Variants in NCAM2 observed in about 807,000 individuals in gnomAD.
NCAM2 encodes neural cell adhesion molecule 2.
A neutral mutation model predicts 98.1 loss-of-function variants in NCAM2; 30 were observed. The observed-to-expected ratio is 0.31, with a 90% CI of 0.23 to 0.41. NCAM2 has a LOEUF of 0.41. Among genes scored for constraint, NCAM2 ranks in the 10% least tolerant of loss-of-function variants. NCAM2 has a pLI of 1.00. For synonymous variants in NCAM2, 368 were observed against 342.4 expected (o/e 1.07, Z -0.83); for missense variants, 867 against 1,005.8 (o/e 0.86, Z 1.87).
chr21:21,383,403 G>C (rs953747389), intron 9 of NCAM2, among the ~76,000 whole-genome samples: 1 of 152,070 alleles, frequency 6.6e-6, no homozygotes, highest in Non-Finnish European at 1.5e-5. Flanking sequence ...CATTATGTAT[G>C]CTTTTTTCCA....
intron 1 of NCAM2, among the ~76,000 whole-genome samples, chr21:21,020,307 C>T (rs1283035623): frequency 6.6e-6 from 1 of 152,068 alleles, no homozygotes; most frequent in Non-Finnish European, 1.5e-5. Context: ...AAGAGCTGGG[C>T]TTACAGGCGT....
At chr21:21,244,652 T>C (rs1235104330) in intron 1 of NCAM2, among the ~76,000 whole-genome samples, 1 of 151,788 alleles carries the variant, frequency 6.6e-6, no homozygotes, top group African/African-American at 2.4e-5. Flanking sequence ...ATCGAGACCA[T>C]CCTGGCCAAC....
intron 1 of NCAM2, among the ~76,000 whole-genome samples, chr21:21,142,767 AAC>A (rs2067197223): frequency 6.6e-6 from 1 of 152,214 alleles, no homozygotes. Flanking sequence ...GTTGTATATT[AAC>A]ACACATCTGT....
chr21:21,265,469 GTATA>G (rs1568857385), intron 1 of NCAM2, among the ~76,000 whole-genome samples: 2 of 137,268 alleles, frequency 1.5e-5, no homozygotes, highest in African/African-American at 5.4e-5. Flanking sequence ...ATATATGTGT[GTATA>G]TATATTATAT....
intron 1 of NCAM2, among the ~76,000 whole-genome samples, chr21:21,160,316 ACTT>A (rs1157017102): frequency 6.6e-6 from 1 of 151,880 alleles, no homozygotes; most frequent in Admixed American, 6.6e-5. Context: ...TTATCTATAT[ACTT>A]CTTTAATATA....
chr21:21,213,519 T>C (rs922625909), intron 1 of NCAM2, among the ~76,000 whole-genome samples: 2 of 152,170 alleles, frequency 1.3e-5, no homozygotes, highest in African/African-American at 4.8e-5. Flanking sequence ...TGAAGAATTT[T>C]CAAGATAAAG....
At chr21:21,307,241 T>C (rs2073911326) in intron 5 of NCAM2, among the ~76,000 whole-genome samples, 1 of 152,168 alleles carries the variant, frequency 6.6e-6, no homozygotes, top group Non-Finnish European at 1.5e-5. Context: ...AATGAATCAA[T>C]TAATTTCCTA....
At chr21:21,498,840 T>A (rs1390223758) in intron 15 of NCAM2, among the ~76,000 whole-genome samples, 1 of 152,174 alleles carries the variant, frequency 6.6e-6, no homozygotes, top group Admixed American at 6.5e-5. Context: ...ACAATAAATA[T>A]GTTAATGATC....
chr21:21,085,086 T>A (rs1467543586), intron 1 of NCAM2, among the ~76,000 whole-genome samples: 1 of 152,192 alleles, frequency 6.6e-6, no homozygotes, highest in Non-Finnish European at 1.5e-5. Context: ...AAACCTGAAA[T>A]TGAATCTCTT....
intron 10 of NCAM2, 91 bp downstream of exon 10, chr21:21,410,552 T>C (rs2076836007): frequency 3.2e-6 from 2 of 630,326 alleles, no homozygotes; most frequent in South Asian, 8.1e-5. Flanking sequence ...TATGCATATA[T>C]ATATATAATA....
chr21:21,161,710 T>C (rs965313908), intron 1 of NCAM2, among the ~76,000 whole-genome samples: 1 of 151,200 alleles, frequency 6.6e-6, no homozygotes, highest in Non-Finnish European at 1.5e-5. Flanking sequence ...TCCATATATG[T>C]ATATATATCT....
At chr21:21,160,437 T>A (rs147516511) in intron 1 of NCAM2, among the ~76,000 whole-genome samples, 4,561 of 152,118 alleles carry the variant, frequency 0.03, 222 homozygotes, top group African/African-American at 0.1. Context: ...TACAACTAAA[T>A]ATGAGAATGG....
intron 12 of NCAM2, among the ~76,000 whole-genome samples, chr21:21,456,574 A>T (rs1254494597): frequency 1.3e-5 from 2 of 152,320 alleles, no homozygotes; most frequent in Admixed American, 6.5e-5. Flanking sequence ...TTTTAAAAAG[A>T]TCTTACACCA....
intron 9 of NCAM2, among the ~76,000 whole-genome samples, chr21:21,395,345 GA>G (rs1207941357): frequency 1.3e-5 from 2 of 149,080 alleles, no homozygotes; most frequent in African/African-American, 4.9e-5. Flanking sequence ...TTGTCTCAAA[GA>G]AAAAAAAAGA....
chr21:21,246,640 C>G (rs1451405868), intron 1 of NCAM2, among the ~76,000 whole-genome samples: 1 of 152,054 alleles, frequency 6.6e-6, no homozygotes, highest in South Asian at 2.1e-4. Context: ...TTCTCTATTT[C>G]ATCTTTATTG....
intron 9 of NCAM2, among the ~76,000 whole-genome samples, chr21:21,404,163 A>T (rs187960574): frequency 3.9e-5 from 6 of 152,178 alleles, no homozygotes; most frequent in African/African-American, 1.4e-4. Context: ...AACAAATAAA[A>T]TAGATAACTC....
intron 9 of NCAM2, among the ~76,000 whole-genome samples, chr21:21,387,587 G>A (rs962479390): frequency 6.6e-6 from 1 of 151,844 alleles, no homozygotes; most frequent in Admixed American, 6.6e-5. Flanking sequence ...CTGTTCATAT[G>A]GATCTAATCC....
At chr21:21,437,867 G>A (rs1425049987) in intron 12 of NCAM2, among the ~76,000 whole-genome samples, 1 of 151,650 alleles carries the variant, frequency 6.6e-6, no homozygotes, top group African/African-American at 2.4e-5. Context: ...TGGCTATCTA[G>A]GAGAAGATAT....
chr21:21,482,897 A>G (rs976302301), intron 15 of NCAM2, among the ~76,000 whole-genome samples: 1 of 151,952 alleles, frequency 6.6e-6, no homozygotes, highest in African/African-American at 2.4e-5. Flanking sequence ...ACTCCATCTT[A>G]TTTTATTTTA....
Sources: allele counts gnomAD v4.1 joint callset (sites outside exome capture counted in the v4.1 genomes callset), GRCh38; gene constraint gnomAD v4.1.1; transcripts MANE v1.5; gene names NCBI Gene and HGNC (gene_info 2026-07-23, HGNC 2026-07-21).